The following CPT1C variants were observed in gnomAD, a reference collection of about 807,000 sequenced individuals.
The protein encoded by CPT1C is carnitine palmitoyltransferase 1C.
A neutral mutation model predicts 97.3 loss-of-function variants in CPT1C; 61 were observed. The ratio of observed to expected loss-of-function variants is 0.63; its 90% CI spans 0.51 to 0.78. The LOEUF is 0.78. Ranked by LOEUF, CPT1C falls within the 30% of genes least tolerant of loss-of-function variation. CPT1C has a pLI of 0.00. For synonymous variants in CPT1C, 469 were observed against 447.2 expected, an observed-to-expected ratio of 1.05 and a Z score of -0.61; for missense variants, 975 against 1,065.5, an observed-to-expected ratio of 0.92 and a Z score of 1.18.
intron 7 of CPT1C, among the ~76,000 whole-genome samples, chr19:49,704,108 G>T (rs2083366966): frequency 6.6e-6 from 1 of 152,204 alleles, no homozygotes; most frequent in African/African-American, 2.4e-5. Context: ...CAATTTTCAT[G>T]TATTTACACA....
Position 49,706,236 on chromosome 19 carries a change from C to T in CPT1C, c.1166C>T (p.Thr389Met), listed in dbSNP as rs769810756. 2.3e-5 allele frequency: 35 copies of T among 1,533,182 alleles called. No homozygotes were observed. The highest frequency in any genetic ancestry group is 6.6e-5 in the Admixed American group (3 of 45,546). The allele number at this position is 1,533,182 out of a possible 1,614,324, so 95.0% of individuals were successfully genotyped here. A position where few individuals can be genotyped will look rare whatever the true frequency, so the allele number is the denominator to read the frequency against. ...LAALTAAPRGTWAQVRTSLKT... is the reference protein window; with the variant it reads ...LAALTAAPRGMWAQVRTSLKT... ...GCACATCCCGGGCCCTCCAGGGGCA[C>T]GTGGGCCCAGGTGCGGACATCCCTG... is the stretch of plus-strand genomic sequence containing the variant. Residue 389 changes from threonine (T) to methionine (M), a missense_variant, in exon 12 of 20, where the codon ACG becomes ATG. By Grantham distance (81) the Thr-to-Met change is moderately conservative. Around this residue, in one of 3 missense-constraint regions of CPT1C, gnomAD observed 596 missense variants for 603.1 expected, o/e 0.99. Coordinates refer to ENST00000598293, the MANE Select transcript of CPT1C (RefSeq NM_001199753.2). This position sits in a 1 kb window ranked among gnomAD's most constrained non-coding sequence, Gnocchi z 4.8.
rs376063422 is a variant in CPT1C, at chr19:49,700,234, G to A, written c.282-450G>A. ...AGCACTCCAGCCTGGGCGACAGAGCGAGACTCCATCCCAAAAACAAAACAA... is the reference window on the plus strand; with the variant it reads ...AGCACTCCAGCCTGGGCGACAGAGCAAGACTCCATCCCAAAAACAAAACAA... On this transcript the variant is annotated intron_variant, in intron 4 of 19. Transcript: ENST00000598293. 3.0e-4 allele frequency among the ~76,000 whole-genome samples: 45 copies of A among 149,180 alleles called. No individual in the cohort carries two copies. The East Asian group carries it at 3.2e-3, about 10-fold the overall frequency.
chr19:49,707,263 C>T (rs2083554452), intron 12 of CPT1C, among the ~76,000 whole-genome samples: 1 of 151,928 alleles, frequency 6.6e-6, no homozygotes, highest in African/African-American at 2.4e-5. Flanking sequence ...CCAGCCTGGG[C>T]GACAAGAGTG....
At chr19:49,708,120 A>C (rs966752436) in intron 13 of CPT1C, among the ~76,000 whole-genome samples, 15 of 151,290 alleles carry the variant, frequency 9.9e-5, no homozygotes, top group Non-Finnish European at 2.2e-4. Context: ...TCCTTTGATG[A>C]GTTGGTAACT....
At chr19:49,705,365 G>A (rs1387295880) in intron 10 of CPT1C, 67 bp downstream of exon 10, 1 of 1,331,618 alleles carries the variant, frequency 7.5e-7, no homozygotes, top group Non-Finnish European at 1.0e-6. Flanking sequence ...ATGTTTTCTG[G>A]AGTCCGCCTG....
At position 49,711,925 on chromosome 19, in the gene CPT1C, C is replaced by T. The variant is rs1256247310; in HGVS notation, c.1983C>T (p.Ser661=). ...DRHLFALYIV[S]RFLHLQSPFL... ...ACCTGTTTGCGCTGTACATCGTGTC[C>T]CGATTCCTCCACCTGCAGTCGCCCT... Residue 661 remains serine (S), a synonymous_variant, in exon 17 of 20, where the codon TCC becomes TCT. Transcript: ENST00000598293. The T allele has an allele frequency of 1.9e-6, 3 of 1,614,062 alleles. No individual in the cohort carries two copies. The highest frequency in any genetic ancestry group is 1.3e-5 in the African/African-American group (1 of 74,950).
intron 16 of CPT1C, 127 bp downstream of exon 16, chr19:49,710,984 C>A: frequency 1.0e-6 from 1 of 991,906 alleles, no homozygotes; most frequent in East Asian, 2.6e-5. Flanking sequence ...TGAATCGGAC[C>A]TGGCCTCTGA....
intron 7 of CPT1C, among the ~76,000 whole-genome samples, chr19:49,703,628 C>CCTTCCTTCCT (rs2083338802): frequency 8.1e-6 from 1 of 123,244 alleles, no homozygotes; most frequent in Admixed American, 1.0e-4. Flanking sequence ...TTCTCTCTTT[C>CCTTCCTTCCT]TCTCTCTTTC....
At chr19:49,699,386 G>C (rs1008816295) in intron 4 of CPT1C, among the ~76,000 whole-genome samples, 2 of 143,980 alleles carry the variant, frequency 1.4e-5, no homozygotes, top group Admixed American at 1.4e-4. Flanking sequence ...CCAGCACTTC[G>C]GAGGGCTGAG....
rs562797389 is a variant in CPT1C, at chr19:49,712,322, C to G, written c.2019+361C>G. 3.4e-4 allele frequency: 95 copies of G among 278,624 alleles called. 1 individual carries two copies. In the South Asian group the frequency reaches 4.3e-3, roughly 13 times the overall value. 17.3% of individuals were successfully genotyped at this position (278,624 alleles called of 1,614,324 possible). ...TCGCACCACTGCACTCCAGCCTGGA[C>G]GACAGAGCAAGACTCTGTCTCAAAA... On this transcript the variant is annotated intron_variant, in intron 17 of 19. Transcript: ENST00000598293.
rs1212242299 is a variant in CPT1C at position 49,712,930 on chromosome 19, G to A, written c.2134-42G>A. 3.1e-6 allele frequency: 5 copies of A among 1,597,074 alleles called. No homozygotes were observed. In the African/African-American group the frequency reaches 4.0e-5, roughly 13 times the overall value. The stretch of plus-strand genomic sequence containing the variant: ...CACTCCTGCATAGTGGGGGTGGAGG[G>A]GACCGGAGCTATTTTCTTCCCTTCA... On this transcript the variant is annotated intron_variant, in intron 18 of 19. Coordinates refer to ENST00000598293, the MANE Select transcript of CPT1C (RefSeq NM_001199753.2).
chr19:49,710,811 G>C lies in CPT1C; in HGVS notation c.1820G>C (p.Arg607Thr). ...GRTETVRSCTREACNFVRAME... is the reference protein window; with the variant it reads ...GRTETVRSCTTEACNFVRAME... ...ACGGAGACGGTGCGGTCTTGCACGA[G>C]GGAGGCCTGCAACTTTGTCAGGGCC... The change falls in exon 16 of 20, where the codon AGG (arginine) becomes ACG (threonine). Residue 607 changes from arginine to threonine, a missense_variant. By Grantham distance (71) the Arg-to-Thr change is moderately conservative (BLOSUM62 -1). Coordinates refer to ENST00000598293, the MANE Select transcript of CPT1C (RefSeq NM_001199753.2). 2 of 1,613,976 alleles carry C rather than the reference G, an allele frequency of 1.2e-6. No individual in the cohort carries two copies. Among genetic ancestry groups the C allele is most frequent in the Non-Finnish European group, 8.5e-7 (1 of 1,179,890 alleles).
rs140099471 is a variant in CPT1C at position 49,705,090 on chromosome 19, C to T, written c.855C>T (p.Arg285=). 277 of 1,613,916 alleles carry T rather than the reference C, an allele frequency of 1.7e-4. 1 individual carries two copies. The highest frequency in any genetic ancestry group is 6.6e-4 in the Middle Eastern group (4 of 6,068). The change falls in exon 9 of 20, where the codon CGC becomes CGT. Residue 285 remains arginine, a synonymous_variant. Coordinates refer to ENST00000598293, the MANE Select transcript of CPT1C (RefSeq NM_001199753.2). ...ATGCCCTCCTCCTGTACCGCCACCG[C>T]CTGAACCGCCAGGAGATACCCCCGG... is the stretch of plus-strand genomic sequence containing the variant. ...AVHALLLYRH[R]LNRQEIPPTL...
At position 49,706,197 on chromosome 19, in the gene CPT1C, C is replaced by A; in HGVS notation, c.1161-34C>A. On this transcript the variant is annotated intron_variant, in intron 11 of 19. Coordinates refer to ENST00000598293, the MANE Select transcript of CPT1C (RefSeq NM_001199753.2). The surrounding 1 kb of genome is among the most constrained non-coding windows in gnomAD (Gnocchi z 4.8). Reference sequence around the variant, plus strand: ...AGGGTGGGGCCAGGTGGCGGCTGGGCAGGATGGACTCAGGCACATCCCGGG... The same window carrying A: ...AGGGTGGGGCCAGGTGGCGGCTGGGAAGGATGGACTCAGGCACATCCCGGG... 1.9e-6 allele frequency: 3 copies of A among 1,542,886 alleles called. No homozygotes were observed. Among genetic ancestry groups the A allele is most frequent in the Non-Finnish European group, 8.7e-7 (1 of 1,145,398 alleles).
Position 49,710,418 on chromosome 19 carries a change from C to T in CPT1C, c.1665C>T (p.Phe555=). ...VVPFSLFGKS[F]IRRCHLSSDS... ...CATTCTCCCTATTTGGCAAGAGCTT[C>T]ATCCGACGCTGCCACCTCTCTTCAG... The change falls in exon 15 of 20, where the codon TTC becomes TTT. Residue 555 remains phenylalanine (F), a synonymous_variant. Coordinates refer to ENST00000598293, the MANE Select transcript of CPT1C (RefSeq NM_001199753.2). The T allele has an allele frequency of 6.2e-7, 1 of 1,614,204 alleles. No homozygotes were observed. Among genetic ancestry groups the T allele is most frequent in the African/African-American group, 1.3e-5 (1 of 75,068 alleles).
intron 17 of CPT1C, 67 bp downstream of exon 17, chr19:49,712,028 G>A: frequency 6.4e-7 from 1 of 1,558,410 alleles, no homozygotes; most frequent in Non-Finnish European, 8.7e-7. Context: ...AGGTTTCAGG[G>A]AAGGAGGGTG....
chr19:49,710,254 A>G (rs2083774216), intron 14 of CPT1C, 66 bp from the exon 15 acceptor site: 2 of 1,517,206 alleles, frequency 1.3e-6, no homozygotes, highest in Admixed American at 3.4e-5. Flanking sequence ...TTCCAGCCTT[A>G]TTCCTGGCTT....
intron 4 of CPT1C, among the ~76,000 whole-genome samples, chr19:49,699,746 G>C (rs2082889333): frequency 6.6e-6 from 1 of 152,082 alleles, no homozygotes; most frequent in Admixed American, 6.6e-5. Flanking sequence ...CCTAAGGTCA[G>C]GAGTTCGAGA....
rs767780477 is a variant in CPT1C at position 49,706,144 on chromosome 19, C to A, written c.1160+40C>A. ...TCAGGGGTCAGGGGCTCTCAGAGGC[C>A]GCCAGTGTCCTGAGACTGTGGAAGG... On this transcript the variant is annotated intron_variant, in intron 11 of 19. Coordinates refer to ENST00000598293, the MANE Select transcript of CPT1C (RefSeq NM_001199753.2). The surrounding 1 kb of genome is among the most constrained non-coding windows in gnomAD (Gnocchi z 4.8). 1.9e-6 allele frequency: 3 copies of A among 1,585,112 alleles called. No individual in the cohort carries two copies. Among genetic ancestry groups the A allele is most frequent in the Admixed American group, 1.8e-5 (1 of 56,262 alleles).
Sources: gnomAD v4.1 joint callset for allele counts (sites outside exome capture counted in the v4.1 genomes callset) on GRCh38, gnomAD v4.1.1 for gene constraint, gnomAD v4.1.1 regional missense constraint, Gnocchi (gnomAD v3.1) non-coding constraint, MANE v1.5 for transcripts, NCBI Gene and HGNC (gene_info 2026-07-23, HGNC 2026-07-21) for gene names.